The following ARHGAP18 variants were observed in gnomAD, a reference collection of about 807,000 sequenced individuals.
ARHGAP18 encodes rho GTPase-activating protein 18.
A neutral mutation model predicts 86.2 loss-of-function variants in ARHGAP18; 67 were observed. The observed-to-expected ratio is 0.78, with a 90% CI of 0.64 to 0.95. ARHGAP18 has a LOEUF of 0.95. Among genes scored for constraint, ARHGAP18 ranks in the 40% least tolerant of loss-of-function variants. ARHGAP18 has a pLI of 0.00. For synonymous variants in ARHGAP18, 283 were observed against 280.4 expected (o/e 1.01, Z -0.09); for missense variants, 691 against 780.4 (o/e 0.89, Z 1.37).
chr6:129,639,874 CT>C (rs1442466335), intron 2 of ARHGAP18, among the ~76,000 whole-genome samples: 1 of 151,314 alleles, frequency 6.6e-6, no homozygotes, highest in Non-Finnish European at 1.5e-5. Context: ...GTGAAACCCC[CT>C]CTCTACAAAA....
In ARHGAP18 at chr6:129,578,417, AATAAT is replaced by A; in HGVS notation, c.*91_*95del. ...ATTTTTAAATACTTGGGTACAACTG[AATAAT>A]ATGAGTCCTGCCATTTCTTTTATTT... On this transcript the variant is annotated 3_prime_UTR_variant, in exon 15 of 15. Coordinates refer to ENST00000368149, the MANE Select transcript of ARHGAP18 (RefSeq NM_033515.3). 1 of 923,176 alleles carries A rather than the reference AATAAT, an allele frequency of 1.1e-6. No individual in the cohort carries two copies. Among genetic ancestry groups the A allele is most frequent in the African/African-American group, 1.7e-5 (1 of 60,226 alleles). The allele number at this position is 923,176 out of a possible 1,614,324, so 57.2% of individuals were successfully genotyped here.
intron 1 of ARHGAP18, among the ~76,000 whole-genome samples, chr6:129,654,030 G>GTCACCC: frequency 6.6e-6 from 1 of 152,216 alleles, no homozygotes; most frequent in Non-Finnish European, 1.5e-5. Context: ...GTGACAGAGC[G>GTCACCC]AGACCCTGTC....
intron 1 of ARHGAP18, among the ~76,000 whole-genome samples, chr6:129,675,697 TGA>T (rs1436127006): frequency 1.3e-5 from 2 of 152,196 alleles, no homozygotes; most frequent in Non-Finnish European, 2.9e-5. Flanking sequence ...TAAGACATTA[TGA>T]GAGAGTATCT....
intron 5 of ARHGAP18, among the ~76,000 whole-genome samples, chr6:129,627,378 T>C (rs1158368449): frequency 2.1e-5 from 3 of 140,010 alleles, no homozygotes; most frequent in Non-Finnish European, 3.2e-5. Flanking sequence ...AGCTGCTACA[T>C]TGACAAAAAA....
intron 4 of ARHGAP18, 100 bp from the exon 5 acceptor site, chr6:129,629,622 T>C: frequency 3.2e-6 from 4 of 1,236,134 alleles, no homozygotes; most frequent in Non-Finnish European, 1.1e-6. Context: ...GGAAGAGTAC[T>C]ATTTTCTCTA....
intron 5 of ARHGAP18, among the ~76,000 whole-genome samples, chr6:129,624,898 T>A (rs1422033164): frequency 6.8e-6 from 1 of 146,648 alleles, no homozygotes; most frequent in East Asian, 2.0e-4. Flanking sequence ...TGAGCTGAGA[T>A]CACACCATTG....
At chr6:129,677,808 T>C (rs1324834933) in intron 1 of ARHGAP18, among the ~76,000 whole-genome samples, 3 of 152,222 alleles carry the variant, frequency 2.0e-5, no homozygotes, top group Non-Finnish European at 4.4e-5. Flanking sequence ...CACAAGTCAC[T>C]TCTTCCTATC....
chr6:129,597,812 T>C (rs908511577), intron 12 of ARHGAP18, among the ~76,000 whole-genome samples: 2 of 151,908 alleles, frequency 1.3e-5, no homozygotes, highest in Non-Finnish European at 2.9e-5. Context: ...AAAATGACAA[T>C]ACAGTTTTTA....
intron 7 of ARHGAP18, among the ~76,000 whole-genome samples, chr6:129,613,712 G>A (rs1437899955): frequency 1.2e-4 from 18 of 152,018 alleles, no homozygotes; most frequent in Admixed American, 1.2e-3. Context: ...ATATCTCACT[G>A]AAAATAACAT....
chr6:129,672,760 TAAG>T (rs901230061), intron 1 of ARHGAP18, among the ~76,000 whole-genome samples: 2 of 152,262 alleles, frequency 1.3e-5, no homozygotes, highest in Non-Finnish European at 2.9e-5. Flanking sequence ...GCTCTATGGC[TAAG>T]AAGAATGCCC....
chr6:129,640,565 G>A (rs930347159), intron 2 of ARHGAP18, among the ~76,000 whole-genome samples: 4 of 152,120 alleles, frequency 2.6e-5, no homozygotes, highest in Admixed American at 6.6e-5. Context: ...TAAGTTAACC[G>A]TAGTGTTTTT....
intron 5 of ARHGAP18, among the ~76,000 whole-genome samples, chr6:129,626,481 C>T (rs1789475661): frequency 6.6e-6 from 1 of 151,770 alleles, no homozygotes. Context: ...ATTTTACATA[C>T]TTATAAGCCA....
intron 1 of ARHGAP18, among the ~76,000 whole-genome samples, chr6:129,647,716 A>T (rs889638216): frequency 2.6e-5 from 4 of 151,776 alleles, no homozygotes; most frequent in Non-Finnish European, 4.4e-5. Context: ...TCCTCAGATC[A>T]TGACATATAA....
At chr6:129,625,006 T>TA (rs1562695961) in intron 5 of ARHGAP18, among the ~76,000 whole-genome samples, 1 of 54,590 alleles carries the variant, frequency 1.8e-5, no homozygotes, top group African/African-American at 7.2e-5. Flanking sequence ...TGATATATAT[T>TA]TATATAATAT....
intron 14 of ARHGAP18, among the ~76,000 whole-genome samples, chr6:129,578,900 G>A (rs1788233410): frequency 6.6e-6 from 1 of 151,992 alleles, no homozygotes. Flanking sequence ...GGAGGTGGAG[G>A]TTGCAGTGAG....
At chr6:129,628,795 T>C (rs912165678) in intron 5 of ARHGAP18, among the ~76,000 whole-genome samples, 11 of 152,132 alleles carry the variant, frequency 7.2e-5, no homozygotes, top group African/African-American at 2.2e-4. Flanking sequence ...ATACAGTATA[T>C]GACTCTTGCT....
chr6:129,637,519 G>C (rs1416647003), intron 3 of ARHGAP18, among the ~76,000 whole-genome samples: 1 of 152,154 alleles, frequency 6.6e-6, no homozygotes, highest in Non-Finnish European at 1.5e-5. Flanking sequence ...TTAACCTAAA[G>C]CTGCCTCCTT....
Position 129,702,901 on chromosome 6 carries a change from A to G in ARHGAP18, c.113+7123T>C, listed in dbSNP as rs984082897. On this transcript the variant is annotated intron_variant, in intron 1 of 14. Coordinates refer to ENST00000368149, the MANE Select transcript of ARHGAP18 (RefSeq NM_033515.3). ...TGTAATCCCAGCTACTGGGGAAGCT[A>G]AGGCAGGAGAATTGCTTCAACCCAG... Among the ~76,000 whole-genome samples the G allele has an allele frequency of 9.1e-4, 139 of 152,310 alleles. 1 individual carries two copies. The highest frequency in any genetic ancestry group is 3.7e-4 in the Non-Finnish European group (25 of 68,014).
chr6:129,578,987 T>TA (rs925326001), intron 14 of ARHGAP18, among the ~76,000 whole-genome samples: 65 of 146,586 alleles, frequency 4.4e-4, no homozygotes, highest in South Asian at 8.8e-4. Flanking sequence ...ATAATAATAA[T>TA]AAAAAAAAAA....
Sources: gnomAD v4.1 joint callset for allele counts (sites outside exome capture counted in the v4.1 genomes callset) on GRCh38, gnomAD v4.1.1 for gene constraint, MANE v1.5 for transcripts, NCBI Gene and HGNC (gene_info 2026-07-23, HGNC 2026-07-21) for gene names.